The following ZPLD1 variants were observed in gnomAD, a reference collection of about 807,000 sequenced individuals.
The protein encoded by ZPLD1 is zona pellucida-like domain-containing protein 1.
Under a neutral mutation model 47.2 loss-of-function variants are expected in ZPLD1, and 34 were observed. That is an observed-to-expected ratio of 0.72 (90% CI 0.55 to 0.96). The LOEUF (loss-of-function observed/expected upper bound fraction) is 0.96. Among genes scored for constraint, ZPLD1 ranks in the 40% least tolerant of loss-of-function variants. ZPLD1 has a pLI of 0.00. For missense variants in ZPLD1, 512 were observed against 505.8 expected (o/e 1.01, Z -0.12); for synonymous variants, 176 against 186.2 (o/e 0.95, Z 0.45).
chr3:102,408,133 G>A (rs760605270), intron 7 of ZPLD1, among the ~76,000 whole-genome samples: 2 of 151,782 alleles, frequency 1.3e-5, no homozygotes, highest in African/African-American at 2.4e-5. Flanking sequence ...TGATCACATC[G>A]ATGTCCCAGA....
chr3:102,439,528 T>A (rs918787860), intron 3 of ZPLD1, among the ~76,000 whole-genome samples: 2 of 152,224 alleles, frequency 1.3e-5, no homozygotes, highest in Admixed American at 1.3e-4. Context: ...AAAAATTTGC[T>A]AAGGCAGAGT....
intron 8 of ZPLD1, among the ~76,000 whole-genome samples, chr3:102,419,353 A>G (rs895130190): frequency 2.6e-5 from 4 of 151,802 alleles, no homozygotes; most frequent in African/African-American, 9.7e-5. Context: ...CTATTATAAT[A>G]CTTAGCTAAA....
chr3:102,429,548 GA>G (rs1435193466), intron 8 of ZPLD1, among the ~76,000 whole-genome samples: 20 of 152,062 alleles, frequency 1.3e-4, no homozygotes, highest in African/African-American at 3.4e-4. Flanking sequence ...GATTGGGGGG[GA>G]AAGTTATATA....
upstream of ZPLD1, among the ~76,000 whole-genome samples, chr3:102,433,173 A>T (rs533208792): frequency 1.3e-5 from 2 of 152,334 alleles, no homozygotes; most frequent in East Asian, 3.9e-4. Context: ...TGATCAGTAT[A>T]CACAAGAATA....
chr3:102,423,665 C>T (rs1706907028), intron 8 of ZPLD1, among the ~76,000 whole-genome samples: 1 of 152,024 alleles, frequency 6.6e-6, no homozygotes, highest in South Asian at 2.1e-4. Flanking sequence ...GACATTATTA[C>T]AGTACAAGAG....
At chr3:102,449,336 G>A (rs191641883) in intron 3 of ZPLD1, among the ~76,000 whole-genome samples, 9 of 152,354 alleles carry the variant, frequency 5.9e-5, no homozygotes, top group East Asian at 5.8e-4. Flanking sequence ...TGTGGGTCAC[G>A]CTAATGTGTC....
intron 10 of ZPLD1, among the ~76,000 whole-genome samples, chr3:102,475,936 C>G (rs550118110): frequency 6.6e-6 from 1 of 152,124 alleles, no homozygotes; most frequent in African/African-American, 2.4e-5. Flanking sequence ...TCTTCATAAC[C>G]AGAAATATTT....
intron 2 of ZPLD1, among the ~76,000 whole-genome samples, chr3:102,437,344 T>A (rs1258964184): frequency 6.6e-6 from 1 of 152,232 alleles, no homozygotes; most frequent in Non-Finnish European, 1.5e-5. Flanking sequence ...AAAGTGACTT[T>A]ATTCACTGTA....
intron 3 of ZPLD1, among the ~76,000 whole-genome samples, chr3:102,440,756 G>T (rs1350726168): frequency 6.7e-6 from 1 of 149,638 alleles, no homozygotes; most frequent in African/African-American, 2.5e-5. Flanking sequence ...AAAAAGAAAG[G>T]AGCAACCTGA....
At chr3:102,467,486 CA>C (rs1476773910) in intron 8 of ZPLD1, among the ~76,000 whole-genome samples, 1 of 151,898 alleles carries the variant, frequency 6.6e-6, no homozygotes, top group Non-Finnish European at 1.5e-5. Context: ...GACACATAGA[CA>C]AAAGTCACAG....
intron 6 of ZPLD1, among the ~76,000 whole-genome samples, chr3:102,390,570 T>C (rs897874673): frequency 6.6e-6 from 1 of 152,210 alleles, no homozygotes; most frequent in Non-Finnish European, 1.5e-5. Context: ...TGCAGATGCC[T>C]CTATTAAGCC....
intron 7 of ZPLD1, among the ~76,000 whole-genome samples, chr3:102,400,842 G>A (rs1224555816): frequency 1.3e-5 from 2 of 151,990 alleles, no homozygotes; most frequent in Admixed American, 6.6e-5. Flanking sequence ...ACTGCCCGTA[G>A]CAATGGACCT....
chr3:102,469,189 G>T, intron 9 of ZPLD1, 54 bp downstream of exon 9: 1 of 1,535,192 alleles, frequency 6.5e-7, no homozygotes, highest in Non-Finnish European at 8.8e-7. Flanking sequence ...AAGCTGAAAG[G>T]TTATCAAATG....
intron 7 of ZPLD1, among the ~76,000 whole-genome samples, chr3:102,400,197 G>T (rs763465484): frequency 1.8e-4 from 28 of 152,090 alleles, no homozygotes; most frequent in Non-Finnish European, 3.1e-4. Context: ...GTCATGATGT[G>T]TAGCTTTATG....
At position 102,440,731 on chromosome 3, in the gene ZPLD1, G is replaced by GAA. The variant is rs77649810; in HGVS notation, c.106+2156_106+2157dup. 8.5e-3 allele frequency among the ~76,000 whole-genome samples: 956 copies of GAA among 112,802 alleles called. 16 individuals carry two copies. Among genetic ancestry groups the GAA allele is most frequent in the African/African-American group, 0.029 (903 of 31,160 alleles). The allele number at this position is 112,802 out of a possible 152,430, so 74.0% of individuals were successfully genotyped here. On this transcript the variant is annotated intron_variant, in intron 3 of 11. Transcript: ENST00000466937. Reference sequence around the variant, plus strand: ...CTATTTAGATAACTTTTGTGATTGGGAAAAAAAAAAAAAAAAAAAGAAAGG... The same window carrying GAA: ...CTATTTAGATAACTTTTGTGATTGGGAAAAAAAAAAAAAAAAAAAAAGAAAGG...
At position 102,477,729 on chromosome 3, in the gene ZPLD1, T is replaced by C; in HGVS notation, c.*111T>C. On this transcript the variant is annotated 3_prime_UTR_variant, in exon 12 of 12. Transcript: ENST00000466937. Reference sequence around the variant, plus strand: ...CAGTCCACATTCAATATTTGTAGGTTTGATAAATTTCACAGTATAGCTTGT... The same window carrying C: ...CAGTCCACATTCAATATTTGTAGGTCTGATAAATTTCACAGTATAGCTTGT... The C allele has an allele frequency of 9.3e-7, 1 of 1,073,838 alleles. No homozygotes were observed. The highest frequency in any genetic ancestry group is 1.8e-5 in the South Asian group (1 of 54,760). The allele number at this position is 1,073,838 out of a possible 1,614,324, so 66.5% of individuals were successfully genotyped here.
chr3:102,436,108 G>A (rs1202701396), intron 1 of ZPLD1, among the ~76,000 whole-genome samples: 1 of 152,182 alleles, frequency 6.6e-6, no homozygotes, highest in African/African-American at 2.4e-5. Flanking sequence ...CACTATGAAA[G>A]TGCTGTAGGT....
chr3:102,440,927 G>A (rs1707167316), intron 3 of ZPLD1, among the ~76,000 whole-genome samples: 1 of 152,082 alleles, frequency 6.6e-6, no homozygotes, highest in Non-Finnish European at 1.5e-5. Flanking sequence ...AAATACCGAA[G>A]CAATCAATGG....
At chr3:102,405,870 G>C (rs181301241) in intron 7 of ZPLD1, among the ~76,000 whole-genome samples, 20 of 152,078 alleles carry the variant, frequency 1.3e-4, no homozygotes, top group African/African-American at 4.6e-4. Flanking sequence ...TCTTTCGCCC[G>C]TTTGGGCCTT....
Sources: gnomAD v4.1 joint callset for allele counts (sites outside exome capture counted in the v4.1 genomes callset) on GRCh38, gnomAD v4.1.1 for gene constraint, MANE v1.5 for transcripts, NCBI Gene and HGNC (gene_info 2026-07-23, HGNC 2026-07-21) for gene names.